The following MLLT3 variants were observed in gnomAD, a reference collection of about 807,000 sequenced individuals.
MLLT3 encodes MLLT3 super elongation complex subunit, also known as protein AF-9.
Under a neutral mutation model 53.2 loss-of-function variants are expected in MLLT3, and 4 were observed. The ratio of observed to expected loss-of-function variants is 0.08; its 90% CI spans 0.04 to 0.17. MLLT3 has a LOEUF of 0.17. Among genes scored for constraint, MLLT3 ranks in the 10% least tolerant of loss-of-function variants. The pLI is 1.00. For missense variants in MLLT3, 569 were observed against 684.0 expected, an observed-to-expected ratio of 0.83 and a Z score of 1.87; for synonymous variants, 283 against 230.6, an observed-to-expected ratio of 1.23 and a Z score of -2.06.
chr9:20,556,725 A>G (rs1819066889), intron 2 of MLLT3, among the ~76,000 whole-genome samples: 1 of 152,172 alleles, frequency 6.6e-6, no homozygotes, highest in Non-Finnish European at 1.5e-5. Context: ...GAGAAATAAG[A>G]TAACAAAAGA....
At chr9:20,615,017 A>G (rs576765396) in intron 2 of MLLT3, among the ~76,000 whole-genome samples, 2 of 152,274 alleles carry the variant, frequency 1.3e-5, no homozygotes, top group South Asian at 4.1e-4. Flanking sequence ...AATATAAAAG[A>G]CTTCTGCATA....
At chr9:20,499,251 A>G (rs943037471) in intron 2 of MLLT3, among the ~76,000 whole-genome samples, 1 of 152,208 alleles carries the variant, frequency 6.6e-6, no homozygotes, top group Non-Finnish European at 1.5e-5. Flanking sequence ...CACATCTACA[A>G]AAGACACTAT....
At chr9:20,382,066 T>A (rs896878571) in intron 5 of MLLT3, among the ~76,000 whole-genome samples, 4 of 151,836 alleles carry the variant, frequency 2.6e-5, no homozygotes, top group African/African-American at 9.7e-5. Flanking sequence ...TTTTCCTACT[T>A]TAAATCACTC....
chr9:20,449,991 T>C (rs1443016999), intron 3 of MLLT3, among the ~76,000 whole-genome samples: 1 of 152,226 alleles, frequency 6.6e-6, no homozygotes, highest in Non-Finnish European at 1.5e-5. Context: ...CAGCTCTCAC[T>C]GACTGCCATA....
chr9:20,404,983 T>A (rs1171509251), intron 5 of MLLT3, among the ~76,000 whole-genome samples: 1 of 152,054 alleles, frequency 6.6e-6, no homozygotes, highest in African/African-American at 2.4e-5. Flanking sequence ...TTTATTATAA[T>A]TTTTTTCTGA....
At chr9:20,397,621 A>C (rs1822355061) in intron 5 of MLLT3, among the ~76,000 whole-genome samples, 1 of 152,118 alleles carries the variant, frequency 6.6e-6, no homozygotes, top group African/African-American at 2.4e-5. Flanking sequence ...CCATCAATCT[A>C]TATTTACCTA....
At position 20,565,938 on chromosome 9, in the gene MLLT3, T is replaced by TTA. The variant is rs374764024; in HGVS notation, c.193+54714_193+54715dup. Among the ~76,000 whole-genome samples, 31 of 12,558 alleles carry TTA rather than the reference T, an allele frequency of 2.5e-3. 1 individual carries two copies. In the East Asian group the frequency reaches 0.027, roughly 11 times the overall value. 8.2% of individuals were successfully genotyped at this position (12,558 alleles called of 152,430 possible). On this transcript the variant is annotated intron_variant, in intron 2 of 10. Coordinates refer to ENST00000380338, the MANE Select transcript of MLLT3 (RefSeq NM_004529.4). ...TATATATATTTATATATATATATATTTATATATATATATATTTATATATAT... is the reference window on the plus strand; with the variant it reads ...TATATATATTTATATATATATATATTTATATATATATATATATTTATATATAT...
intron 2 of MLLT3, among the ~76,000 whole-genome samples, chr9:20,536,837 A>G (rs1818501011): frequency 2.0e-5 from 3 of 151,794 alleles, no homozygotes; most frequent in African/African-American, 7.3e-5. Context: ...TGCAGGTAGT[A>G]GCTGTTTAAC....
chr9:20,501,693 G>A (rs887237631), intron 2 of MLLT3, among the ~76,000 whole-genome samples: 27 of 149,180 alleles, frequency 1.8e-4, no homozygotes, highest in African/African-American at 5.2e-4. Flanking sequence ...GGAGCTTGCC[G>A]TGAGCCGAGA....
chr9:20,394,232 A>G (rs1022815855), intron 5 of MLLT3, among the ~76,000 whole-genome samples: 2 of 152,302 alleles, frequency 1.3e-5, no homozygotes, highest in Admixed American at 1.3e-4. Flanking sequence ...ATTGAGGGAC[A>G]GGTACCTCCT....
chr9:20,600,300 G>A (rs1401335149), intron 2 of MLLT3, among the ~76,000 whole-genome samples: 1 of 152,162 alleles, frequency 6.6e-6, no homozygotes, highest in Non-Finnish European at 1.5e-5. Context: ...CCTGATGCCA[G>A]ACTAAGCATT....
In MLLT3 at chr9:20,433,110, T is replaced by C. The variant is rs570622210; in HGVS notation, c.420+15013A>G. On this transcript the variant is annotated intron_variant, in intron 4 of 10. Coordinates refer to ENST00000380338, the MANE Select transcript of MLLT3 (RefSeq NM_004529.4). ...TCGGGCCAAGCAAAGTAGGCAACGG[T>C]GAGGAGGAACGGCTACAGGTGGAGA... Among the ~76,000 whole-genome samples the C allele has an allele frequency of 2.0e-3, 310 of 151,554 alleles. 3 individuals are homozygous for C. Among genetic ancestry groups the C allele is most frequent in the Non-Finnish European group, 3.3e-3 (227 of 67,910 alleles).
intron 2 of MLLT3, among the ~76,000 whole-genome samples, chr9:20,610,904 C>T (rs1277407407): frequency 2.6e-5 from 4 of 152,044 alleles, no homozygotes; most frequent in South Asian, 2.1e-4. Flanking sequence ...TTTCAAATAA[C>T]GTGTTCCACT....
At chr9:20,454,292 G>A (rs1233570889) in intron 3 of MLLT3, among the ~76,000 whole-genome samples, 19 of 151,956 alleles carry the variant, frequency 1.3e-4, no homozygotes, top group Admixed American at 1.2e-3. Context: ...CGTATGGTAG[G>A]GAGTGATACT....
intron 2 of MLLT3, among the ~76,000 whole-genome samples, chr9:20,462,558 T>C (rs577477622): frequency 1.3e-5 from 2 of 152,270 alleles, no homozygotes; most frequent in East Asian, 3.9e-4. Context: ...CCACCTCCTC[T>C]GGACTCACCA....
Position 20,426,935 on chromosome 9 carries a change from C to T in MLLT3, c.421-12510G>A, listed in dbSNP as rs114139173. 2.5e-3 allele frequency among the ~76,000 whole-genome samples: 381 copies of T among 152,138 alleles called. 3 individuals are homozygous for T. The highest frequency in any genetic ancestry group is 8.7e-3 in the African/African-American group (361 of 41,526). On this transcript the variant is annotated intron_variant, in intron 4 of 10. Coordinates refer to ENST00000380338, the MANE Select transcript of MLLT3 (RefSeq NM_004529.4). ...TGTGTTCTCCTGGGTCTCTAAAGAC[C>T]AAACCTGGGCCCTATAGCACATTTG...
At chr9:20,462,323 C>A (rs1271696253) in intron 2 of MLLT3, among the ~76,000 whole-genome samples, 2 of 152,146 alleles carry the variant, frequency 1.3e-5, no homozygotes, top group Non-Finnish European at 2.9e-5. Context: ...TCCTCCATTT[C>A]CTTGAACAAG....
chr9:20,435,498 G>T (rs1255828922), intron 4 of MLLT3, among the ~76,000 whole-genome samples: 1 of 152,276 alleles, frequency 6.6e-6, no homozygotes, highest in East Asian at 1.9e-4. Flanking sequence ...CTGGCATTAA[G>T]TGTGGCCCAC....
chr9:20,599,235 T>C (rs1820353578), intron 2 of MLLT3, among the ~76,000 whole-genome samples: 2 of 148,850 alleles, frequency 1.3e-5, no homozygotes, highest in South Asian at 2.1e-4. Flanking sequence ...ACCAGGGAGA[T>C]GGAGGTTGCA....
Sources: gnomAD v4.1 joint callset for allele counts (sites outside exome capture counted in the v4.1 genomes callset) on GRCh38, gnomAD v4.1.1 for gene constraint, MANE v1.5 for transcripts, NCBI Gene and HGNC (gene_info 2026-07-23, HGNC 2026-07-21) for gene names.